CDH10: variants seen among roughly 807,000 people sequenced by gnomAD.
CDH10 encodes the protein cadherin-10.
In CDH10, 30 loss-of-function variants were observed where a neutral mutation model predicts 73.1. That is an observed-to-expected ratio of 0.41 (90% CI 0.31 to 0.56). The LOEUF is 0.56. CDH10 is among the 20% of genes least tolerant of loss of function. The pLI, the probability that CDH10 is intolerant of heterozygous loss-of-function variation, is 0.27. For missense variants in CDH10, 815 were observed against 973.7 expected (o/e 0.84, Z 2.17); for synonymous variants, 345 against 348.2 (o/e 0.99, Z 0.10).
At chr5:24,620,125 C>G (rs1747262152) in intron 1 of CDH10, among the ~76,000 whole-genome samples, 1 of 152,060 alleles carries the variant, frequency 6.6e-6, no homozygotes, top group Non-Finnish European at 1.5e-5. Context: ...TTAGTTCTAC[C>G]TTACTAACTT....
At chr5:24,640,307 G>A (rs531663277) in intron 1 of CDH10, among the ~76,000 whole-genome samples, 3 of 151,652 alleles carry the variant, frequency 2.0e-5, no homozygotes, top group Admixed American at 2.0e-4. Flanking sequence ...GAGAGATGGG[G>A]TAGAAGAGAG....
Position 24,491,831 on chromosome 5 carries a change from A to C in CDH10, c.1625-4T>G. On this transcript the variant is annotated splice_region_variant and splice_polypyrimidine_tract_variant and intron_variant, in intron 10 of 11. Coordinates refer to ENST00000264463, the MANE Select transcript of CDH10 (RefSeq NM_006727.5). ...GTTAAGATTCTGGCAGTATTATCTA[A>C]AACAAATTTTAAAATATTACAAATG... The C allele has an allele frequency of 6.3e-7, 1 of 1,575,122 alleles. No individual in the cohort carries two copies. Among genetic ancestry groups the C allele is most frequent in the Admixed American group, 1.7e-5 (1 of 59,246 alleles).
At chr5:24,629,026 T>C (rs1360934049) in intron 1 of CDH10, among the ~76,000 whole-genome samples, 1 of 152,146 alleles carries the variant, frequency 6.6e-6, no homozygotes, top group Non-Finnish European at 1.5e-5. Context: ...CAAAGATATG[T>C]CTCTTAGTTT....
At chr5:24,620,417 G>T (rs1747274263) in intron 1 of CDH10, among the ~76,000 whole-genome samples, 1 of 152,064 alleles carries the variant, frequency 6.6e-6, no homozygotes, top group Non-Finnish European at 1.5e-5. Context: ...TGTCTAAAAT[G>T]AATCAGCCTT....
chr5:24,609,537 C>T (rs551790894), intron 1 of CDH10, among the ~76,000 whole-genome samples: 1 of 152,268 alleles, frequency 6.6e-6, no homozygotes, highest in South Asian at 2.1e-4. Flanking sequence ...TATGACAGGA[C>T]ACTATGAGAA....
At chr5:24,500,866 C>T (rs1269635794) in intron 8 of CDH10, among the ~76,000 whole-genome samples, 1 of 152,094 alleles carries the variant, frequency 6.6e-6, no homozygotes, top group South Asian at 2.1e-4. Flanking sequence ...ATTAGCCTTT[C>T]TACCATTCAA....
chr5:24,625,793 C>A (rs1249218698), intron 1 of CDH10, among the ~76,000 whole-genome samples: 2 of 151,512 alleles, frequency 1.3e-5, no homozygotes, highest in Non-Finnish European at 2.9e-5. Context: ...TTATAAAGTT[C>A]TCCTACATCA....
chr5:24,563,775 CAAAAAAAAA>C (rs56666966), intron 2 of CDH10, among the ~76,000 whole-genome samples: 4 of 128,776 alleles, frequency 3.1e-5, no homozygotes, highest in Non-Finnish European at 6.4e-5. Context: ...CCCCCTCCAC[CAAAAAAAAA>C]AAAAAAAAAA....
intron 1 of CDH10, among the ~76,000 whole-genome samples, chr5:24,615,042 C>G (rs530505800): frequency 2.0e-5 from 3 of 152,244 alleles, no homozygotes; most frequent in Admixed American, 1.3e-4. Flanking sequence ...AGTAGACATC[C>G]ACTCTCAACT....
In CDH10 at chr5:24,504,506, CTTTTTTTTTT is replaced by C. The variant is rs70965605; in HGVS notation, c.1393+596_1393+605del. Among the ~76,000 whole-genome samples the C allele has an allele frequency of 4.2e-3, 275 of 65,162 alleles. 46 individuals carry two copies. Among genetic ancestry groups the C allele is most frequent in the African/African-American group, 6.4e-3 (103 of 16,042 alleles). 42.7% of individuals were successfully genotyped at this position (65,162 alleles called of 152,430 possible). A position where few individuals can be genotyped will look rare whatever the true frequency, so the allele number is the denominator to read the frequency against. ...TATTAAATGCTTTTCTCCTATTAAT[CTTTTTTTTTT>C]TTTTTTTTTTTTTTTTTTTTTTTTT... On this transcript the variant is annotated intron_variant, in intron 8 of 11. Coordinates refer to ENST00000264463, the MANE Select transcript of CDH10 (RefSeq NM_006727.5).
intron 7 of CDH10, 60 bp from the exon 8 acceptor site, chr5:24,505,308 A>T (rs1026598320): frequency 6.5e-6 from 9 of 1,384,614 alleles, no homozygotes; most frequent in African/African-American, 1.4e-5. Flanking sequence ...GCAGGAAAAA[A>T]TAGTGAAATG....
rs114136667 is a variant in CDH10 at position 24,619,969 on chromosome 5, G to T, written c.-124+24625C>A. Among the ~76,000 whole-genome samples the T allele has an allele frequency of 2.0e-3, 307 of 152,268 alleles. 1 individual carries two copies. The highest frequency in any genetic ancestry group is 7.0e-3 in the African/African-American group (291 of 41,552). ...AAAGCTACCCACTTTATGGTAGGTT[G>T]TCACTGTAACCAGAAGGGACTAAGA... On this transcript the variant is annotated intron_variant, in intron 1 of 11. Transcript: ENST00000264463.
At chr5:24,632,140 G>A (rs1747722953) in intron 1 of CDH10, among the ~76,000 whole-genome samples, 1 of 152,020 alleles carries the variant, frequency 6.6e-6, no homozygotes, top group African/African-American at 2.4e-5. Context: ...GATATTTCTA[G>A]CTAAAATTAT....
Position 24,537,642 on chromosome 5 carries a change from T to G in CDH10, c.264A>C (p.Ser88=). ...CATCTCCAGATAAGATATATTTGAG[T>G]GATCCATCTCCTTTATCTTGGTCTG... is the stretch of plus-strand genomic sequence containing the variant. ...LHSDQDKGDG[S]LKYILSGDGA... Residue 88 remains serine (S), a synonymous_variant, in exon 3 of 12, where the codon TCA becomes TCC. Coordinates refer to ENST00000264463, the MANE Select transcript of CDH10 (RefSeq NM_006727.5). 6.2e-7 allele frequency: 1 copy of G among 1,602,012 alleles called. No individual in the cohort carries two copies. Among genetic ancestry groups the G allele is most frequent in the Admixed American group, 1.7e-5 (1 of 59,754 alleles).
chr5:24,544,254 A>G (rs1459056056), intron 2 of CDH10, among the ~76,000 whole-genome samples: 1 of 152,168 alleles, frequency 6.6e-6, no homozygotes, highest in African/African-American at 2.4e-5. Context: ...AGATCACGCC[A>G]CTGCACTCCA....
intron 2 of CDH10, among the ~76,000 whole-genome samples, chr5:24,583,204 T>A (rs1412172947): frequency 2.8e-5 from 4 of 144,072 alleles, no homozygotes; most frequent in Non-Finnish European, 3.0e-5. Flanking sequence ...ATTTTTTAGT[T>A]AAAAAAAAAA....
At chr5:24,601,669 T>C (rs1320647442) in intron 1 of CDH10, among the ~76,000 whole-genome samples, 1 of 152,214 alleles carries the variant, frequency 6.6e-6, no homozygotes, top group Non-Finnish European at 1.5e-5. Flanking sequence ...CATTGATATG[T>C]TGAATTTTAA....
intron 1 of CDH10, chr5:24,613,224 T>C (rs1747007876): frequency 6.6e-6 from 1 of 152,102 alleles, no homozygotes; most frequent in Admixed American, 6.5e-5. Flanking sequence ...CCTGTAGCTA[T>C]TTAATGTTTT....
chr5:24,643,524 C>G (rs1442308283), intron 1 of CDH10, among the ~76,000 whole-genome samples: 1 of 21,706 alleles, frequency 4.6e-5, no homozygotes, highest in East Asian at 1.9e-3. Flanking sequence ...TAATACAGAT[C>G]CTTCAAGAAA....
Sources: gnomAD v4.1 joint callset for allele counts (sites outside exome capture counted in the v4.1 genomes callset) on GRCh38, gnomAD v4.1.1 for gene constraint, MANE v1.5 for transcripts, NCBI Gene and HGNC (gene_info 2026-07-23, HGNC 2026-07-21) for gene names.